The following ROBO2 variants were observed in gnomAD, a reference collection of about 807,000 sequenced individuals.
ROBO2 encodes the protein roundabout guidance receptor 2.
In ROBO2, 53 loss-of-function variants were observed where a neutral mutation model predicts 160.8. The observed-to-expected ratio is 0.33, with a 90% CI of 0.26 to 0.41. The LOEUF is 0.41. Among genes scored for constraint, ROBO2 ranks in the 10% least tolerant of loss-of-function variants. The probability of loss-of-function intolerance (pLI) is 1.00; values close to 1 mark genes in which losing one functional copy is unlikely to be tolerated. For missense variants in ROBO2, 1,577 were observed against 1,722.4 expected, an observed-to-expected ratio of 0.92 and a Z score of 1.49; for synonymous variants, 664 against 611.7, an observed-to-expected ratio of 1.09 and a Z score of -1.26.
At chr3:77,427,091 A>G (rs2078286809) in intron 2 of ROBO2, among the ~76,000 whole-genome samples, 1 of 152,170 alleles carries the variant, frequency 6.6e-6, no homozygotes, top group Non-Finnish European at 1.5e-5. Context: ...TGGAGAGGGC[A>G]TATGGAATGT....
chr3:77,543,912 C>T (rs932117073), intron 6 of ROBO2, among the ~76,000 whole-genome samples: 1 of 151,988 alleles, frequency 6.6e-6, no homozygotes, highest in Non-Finnish European at 1.5e-5. Context: ...TGATTTTGAC[C>T]AAACTGAGTT....
chr3:76,292,906 C>T (rs1158616), intron 2 of ROBO2, among the ~76,000 whole-genome samples: 120,819 of 151,514 alleles, frequency 0.8, 50,355 homozygotes, highest in Non-Finnish European at 0.94. Context: ...GTGACCATGC[C>T]GATTGTAATT....
intron 2 of ROBO2, among the ~76,000 whole-genome samples, chr3:76,299,971 A>G (rs2107735619): frequency 6.6e-6 from 1 of 152,264 alleles, no homozygotes; most frequent in South Asian, 2.1e-4. Context: ...GGAGGTATTT[A>G]TTTGACATTT....
intron 2 of ROBO2, among the ~76,000 whole-genome samples, chr3:76,543,230 T>C (rs1325561816): frequency 6.6e-6 from 1 of 152,158 alleles, no homozygotes; most frequent in East Asian, 1.9e-4. Flanking sequence ...AATTGTGTTG[T>C]CCCCAAATTT....
intron 2 of ROBO2, among the ~76,000 whole-genome samples, chr3:76,594,032 A>C (rs965513017): frequency 4.6e-5 from 7 of 152,068 alleles, no homozygotes; most frequent in Non-Finnish European, 7.4e-5. Flanking sequence ...TATGTTGTAA[A>C]CATTTTATCA....
chr3:76,446,679 G>T (rs1252299851), intron 2 of ROBO2, among the ~76,000 whole-genome samples: 2 of 152,072 alleles, frequency 1.3e-5, no homozygotes, highest in Non-Finnish European at 2.9e-5. Context: ...CATGGTACTG[G>T]TACCAAAACA....
rs1188800434 is a variant in ROBO2, at chr3:76,280,164, T to TC, written c.109+342563dup. 4.6e-5 allele frequency among the ~76,000 whole-genome samples: 7 copies of TC among 152,086 alleles called. No homozygotes were observed. The East Asian group carries it at 1.4e-3, about 29-fold the overall frequency. On this transcript the variant is annotated intron_variant, in intron 2 of 26. Transcript: ENST00000487694. Reference sequence around the variant, plus strand: ...CGGCAATTTCTGTTAAAGCGAATAGTCTTGATATGTATGAACATGCTTACC... The same window carrying TC: ...CGGCAATTTCTGTTAAAGCGAATAGTCCTTGATATGTATGAACATGCTTACC...
intron 2 of ROBO2, among the ~76,000 whole-genome samples, chr3:76,254,339 A>C (rs566856993): frequency 6.6e-6 from 1 of 152,252 alleles, no homozygotes; most frequent in South Asian, 2.1e-4. Flanking sequence ...ATAATGTCTT[A>C]AGTGAGTAGG....
intron 2 of ROBO2, among the ~76,000 whole-genome samples, chr3:77,211,527 C>T (rs553687813): frequency 1.8e-4 from 27 of 151,908 alleles, no homozygotes; most frequent in African/African-American, 6.0e-4. Flanking sequence ...TTCTCCCATT[C>T]TGTTCACTCT....
chr3:76,212,743 C>G lies in ROBO2; in HGVS notation c.109+275141C>G, dbSNP rs374102239. 2.6e-5 allele frequency among the ~76,000 whole-genome samples: 4 copies of G among 151,962 alleles called. No homozygotes were observed. In the East Asian group the frequency reaches 5.8e-4, roughly 22 times the overall value. On this transcript the variant is annotated intron_variant, in intron 2 of 26. Transcript: ENST00000487694. Reference sequence around the variant, plus strand: ...TTTTCCCTTGTCCATTCAGTACTTGCTTCTCTGTAGTTCTCCCCATTAGGC... The same window carrying G: ...TTTTCCCTTGTCCATTCAGTACTTGGTTCTCTGTAGTTCTCCCCATTAGGC...
At chr3:76,108,399 T>C (rs1230953438) in intron 2 of ROBO2, among the ~76,000 whole-genome samples, 1 of 152,050 alleles carries the variant, frequency 6.6e-6, no homozygotes, top group Non-Finnish European at 1.5e-5. Context: ...GTAACTCTTA[T>C]ATTCATATCA....
chr3:76,923,161 A>G (rs1421412915), intron 2 of ROBO2, among the ~76,000 whole-genome samples: 3 of 152,218 alleles, frequency 2.0e-5, no homozygotes, highest in Admixed American at 2.0e-4. Flanking sequence ...AGGTATAAAG[A>G]GGTTGCTATG....
At chr3:77,043,310 G>C (rs2064283306) in intron 1 of ROBO2, among the ~76,000 whole-genome samples, 3 of 152,108 alleles carry the variant, frequency 2.0e-5, no homozygotes, top group Admixed American at 2.0e-4. Flanking sequence ...AAGATATACT[G>C]ACCATCCTTG....
chr3:77,198,634 C>G (rs918832010), intron 2 of ROBO2, among the ~76,000 whole-genome samples: 24 of 152,170 alleles, frequency 1.6e-4, no homozygotes, highest in Admixed American at 3.9e-4. Context: ...GGCGCAGTAG[C>G]TCATGCCCGT....
At chr3:76,853,338 C>A (rs2069623341) in intron 2 of ROBO2, among the ~76,000 whole-genome samples, 2 of 152,042 alleles carry the variant, frequency 1.3e-5, no homozygotes, top group African/African-American at 4.8e-5. Context: ...AAAGTAATCA[C>A]AAATTTCAAT....
intron 2 of ROBO2, among the ~76,000 whole-genome samples, chr3:77,149,568 C>T (rs1417565848): frequency 2.0e-5 from 3 of 152,096 alleles, no homozygotes; most frequent in Non-Finnish European, 4.4e-5. Context: ...TCAATAGTGG[C>T]TTATAGGAGA....
At chr3:77,643,795 GA>G (rs2153724261) in intron 24 of ROBO2, among the ~76,000 whole-genome samples, 1 of 152,232 alleles carries the variant, frequency 6.6e-6, no homozygotes, top group African/African-American at 2.4e-5. Context: ...CAAGTTTTTG[GA>G]AAATGTCATT....
At chr3:77,499,136 C>T (rs1166193478) in intron 5 of ROBO2, among the ~76,000 whole-genome samples, 1 of 152,174 alleles carries the variant, frequency 6.6e-6, no homozygotes, top group East Asian at 1.9e-4. Flanking sequence ...AATATTTAGG[C>T]CATTGCCAAG....
chr3:76,826,053 G>GT (rs200322872), intron 2 of ROBO2, among the ~76,000 whole-genome samples: 19,458 of 142,184 alleles, frequency 0.14, 1,387 homozygotes, highest in East Asian at 0.25. Context: ...GAGTTTGTGG[G>GT]TTTTTTTTTT....
Sources: gnomAD v4.1 joint callset for allele counts (sites outside exome capture counted in the v4.1 genomes callset) on GRCh38, gnomAD v4.1.1 for gene constraint, MANE v1.5 for transcripts, NCBI Gene and HGNC (gene_info 2026-07-23, HGNC 2026-07-21) for gene names.